Variants in ENTREP2 observed in about 807,000 individuals in gnomAD.
ENTREP2 encodes the protein endosomal transmembrane epsin interactor 2.
the ENTREP2 span, among the ~76,000 whole-genome samples, chr15:29,460,519 C>G: frequency 3.9e-5 from 6 of 152,058 alleles, no homozygotes; most frequent in Non-Finnish European, 4.4e-5. Flanking sequence ...GTATTCCCAG[C>G]TACTTGGGAG....
At chr15:29,451,287 C>G in the ENTREP2 span, among the ~76,000 whole-genome samples, 1 of 152,134 alleles carries the variant, frequency 6.6e-6, no homozygotes, top group Admixed American at 6.5e-5. Context: ...GCCCTCGGCC[C>G]TCGGCCCTCG....
chr15:29,579,060 T>C, the ENTREP2 span, among the ~76,000 whole-genome samples: 2 of 152,146 alleles, frequency 1.3e-5, no homozygotes, highest in Non-Finnish European at 2.9e-5. Flanking sequence ...GTGTTTTGCC[T>C]TTAGGGAAAA....
At chr15:29,608,745 T>C in the ENTREP2 span, among the ~76,000 whole-genome samples, 3 of 151,752 alleles carry the variant, frequency 2.0e-5, no homozygotes, top group African/African-American at 7.3e-5. Context: ...TTTTTTGTAT[T>C]TTTAGTAGAG....
At chr15:29,331,425 C>T in the ENTREP2 span, among the ~76,000 whole-genome samples, 1 of 152,048 alleles carries the variant, frequency 6.6e-6, no homozygotes, top group East Asian at 1.9e-4. Flanking sequence ...GAACACCTGT[C>T]CGGGGCCTCT....
At chr15:29,224,395 C>T in the ENTREP2 span, among the ~76,000 whole-genome samples, 4 of 152,222 alleles carry the variant, frequency 2.6e-5, no homozygotes, top group South Asian at 4.2e-4. Context: ...GGAACTGCGC[C>T]GGGTTGCCAC....
At chr15:29,178,471 G>A in the ENTREP2 span, among the ~76,000 whole-genome samples, 1 of 151,892 alleles carries the variant, frequency 6.6e-6, no homozygotes, top group South Asian at 2.1e-4. Flanking sequence ...TTTTTTGTCT[G>A]GACTAATTGC....
the ENTREP2 span, among the ~76,000 whole-genome samples, chr15:29,476,514 G>A: frequency 7.2e-5 from 11 of 152,308 alleles, no homozygotes; most frequent in South Asian, 2.1e-3. Flanking sequence ...AAAGAGAAAG[G>A]ACACATCCCT....
the ENTREP2 span, chr15:29,233,764 C>T: frequency 2.0e-6 from 3 of 1,530,750 alleles, no homozygotes; most frequent in Non-Finnish European, 2.7e-6. Context: ...GTGAATCAGT[C>T]TGATGATGTG....
chr15:29,325,635 G>A, the ENTREP2 span, among the ~76,000 whole-genome samples: 2 of 152,014 alleles, frequency 1.3e-5, no homozygotes, highest in Admixed American at 1.3e-4. Context: ...AAAGCAGCAG[G>A]CCCAGGTGAT....
At chr15:29,414,175 C>G in the ENTREP2 span, among the ~76,000 whole-genome samples, 1 of 152,186 alleles carries the variant, frequency 6.6e-6, no homozygotes, top group Non-Finnish European at 1.5e-5. Context: ...GAACTCTCCA[C>G]CCCAAATCAA....
chr15:29,419,288 G>A, the ENTREP2 span, among the ~76,000 whole-genome samples: 1 of 151,994 alleles, frequency 6.6e-6, no homozygotes, highest in African/African-American at 2.4e-5. Flanking sequence ...AACTATAATT[G>A]GTAAAAATTA....
the ENTREP2 span, among the ~76,000 whole-genome samples, chr15:29,672,134 A>G: frequency 6.6e-6 from 1 of 152,100 alleles, no homozygotes; most frequent in East Asian, 1.9e-4. Context: ...TTACAGGCAC[A>G]CACCACCATA....
the ENTREP2 span, among the ~76,000 whole-genome samples, chr15:29,503,151 G>A: frequency 9.9e-5 from 15 of 152,086 alleles, no homozygotes; most frequent in Non-Finnish European, 1.8e-4. Context: ...TACACTAAAT[G>A]TTCACAGCGG....
the ENTREP2 span, among the ~76,000 whole-genome samples, chr15:29,260,052 A>G: frequency 4.6e-5 from 7 of 152,176 alleles, no homozygotes; most frequent in Admixed American, 2.0e-4. Flanking sequence ...GAAATTCTCA[A>G]TATCTGTATA....
the ENTREP2 span, among the ~76,000 whole-genome samples, chr15:29,582,026 C>G: frequency 4.0e-5 from 6 of 151,026 alleles, no homozygotes; most frequent in Admixed American, 3.3e-4. Context: ...ACTGCAACCT[C>G]TGCCTCCCAG....
At chr15:29,485,066 C>T in the ENTREP2 span, among the ~76,000 whole-genome samples, 1 of 152,128 alleles carries the variant, frequency 6.6e-6, no homozygotes, top group Non-Finnish European at 1.5e-5. Flanking sequence ...TGGCCTGGGA[C>T]ATCAGCAAAA....
the ENTREP2 span, among the ~76,000 whole-genome samples, chr15:29,240,184 G>C: frequency 6.6e-6 from 1 of 152,032 alleles, no homozygotes; most frequent in Admixed American, 6.6e-5. Flanking sequence ...CCAACATGTA[G>C]AAACCCTGTC....
At chr15:29,431,548 T>C in the ENTREP2 span, among the ~76,000 whole-genome samples, 1 of 152,062 alleles carries the variant, frequency 6.6e-6, no homozygotes, top group Non-Finnish European at 1.5e-5. Flanking sequence ...AAAATAAAAG[T>C]TACTTTGTGA....
chr15:29,134,134 G>A, the ENTREP2 span, among the ~76,000 whole-genome samples: 2 of 152,134 alleles, frequency 1.3e-5, no homozygotes, highest in African/African-American at 4.8e-5. Flanking sequence ...TATTATCACA[G>A]CCAACTGTCT....
Sources: gnomAD v4.1 joint callset for allele counts (sites outside exome capture counted in the v4.1 genomes callset) on GRCh38, gnomAD v4.1.1 for gene constraint, MANE v1.5 for transcripts, NCBI Gene and HGNC (gene_info 2026-07-23, HGNC 2026-07-21) for gene names.